NDUFA5: variants seen among roughly 807,000 people sequenced by gnomAD.
NDUFA5 encodes NADH dehydrogenase [ubiquinone] 1 alpha subcomplex subunit 5.
In NDUFA5, 11 loss-of-function variants were observed where a neutral mutation model predicts 19.8. That is an observed-to-expected ratio of 0.56 (90% confidence interval 0.35 to 0.92). NDUFA5 has a LOEUF of 0.92. Among genes scored for constraint, NDUFA5 ranks in the 40% least tolerant of loss-of-function variants. The probability of loss-of-function intolerance (pLI) is 0.01; values close to 1 mark genes in which losing one functional copy is unlikely to be tolerated. For missense variants in NDUFA5, 109 were observed against 134.2 expected (o/e 0.81, Z 0.93); for synonymous variants, 47 against 46.8 (o/e 1.00, Z -0.01).
At chr7:123,550,306 C>T (rs149797768) in intron 3 of NDUFA5, 164 bp downstream of exon 3, 18 of 568,668 alleles carry the variant, frequency 3.2e-5, no homozygotes, top group African/African-American at 2.1e-4. Context: ...ATATAGAAAA[C>T]ACTCAATAAA....
chr7:123,596,724 A>G, the NDUFA5 span, among the ~76,000 whole-genome samples: 2 of 152,204 alleles, frequency 1.3e-5, no homozygotes, highest in African/African-American at 4.8e-5. Context: ...TATAGTATGT[A>G]CTGTTAAAAT....
chr7:123,537,473 C>T lies in NDUFA5; in HGVS notation c.*4646G>A, dbSNP rs1412677992. On this transcript the variant is annotated 3_prime_UTR_variant, in exon 5 of 5. Transcript: ENST00000355749. ...TAGGTCTATTGTCCCTTTTCTGAAA[C>T]CTTTTAAGACAGATGTGTTTGATAT... The T allele has an allele frequency of 6.6e-6, 1 of 151,916 alleles. No homozygotes were observed. Among genetic ancestry groups the T allele is most frequent in the Non-Finnish European group, 1.5e-5 (1 of 67,958 alleles). The allele number at this position is 151,916 out of a possible 1,614,324, so 9.4% of individuals were successfully genotyped here.
chr7:123,554,987 ATC>A (rs1475425477), intron 2 of NDUFA5: 1 of 152,242 alleles, frequency 6.6e-6, no homozygotes, highest in Non-Finnish European at 1.5e-5. Context: ...CAGCCTGCTT[ATC>A]TCTTATTGTG....
At chr7:123,581,947 A>G in the NDUFA5 span, among the ~76,000 whole-genome samples, 1 of 152,064 alleles carries the variant, frequency 6.6e-6, no homozygotes, top group African/African-American at 2.4e-5. Flanking sequence ...AGCAAACTGT[A>G]AAGAGCTTTT....
At chr7:123,558,341 G>C (rs537212654), upstream of NDUFA5, 3 of 154,502 alleles carry the variant, frequency 1.9e-5, no homozygotes, top group Admixed American at 1.3e-4. Context: ...GATTTCACTG[G>C]CTGAAATACA....
At position 123,557,751 on chromosome 7, in the gene NDUFA5, AACAGTGACCTCC is replaced by A; in HGVS notation, c.21+12_21+23del. 1.9e-6 allele frequency: 3 copies of A among 1,613,968 alleles called. No homozygotes were observed. The highest frequency in any genetic ancestry group is 2.5e-6 in the Non-Finnish European group (3 of 1,179,998). On this transcript the variant is annotated intron_variant, in intron 1 of 4. Coordinates refer to ENST00000355749, the MANE Select transcript of NDUFA5 (RefSeq NM_005000.5). Reference sequence around the variant, plus strand: ...AGTCTACCCCCACAGTCTAAATTCCAACAGTGACCTCCATTCGTCTCACCTTCTTCAGCACAC... The same window carrying A: ...AGTCTACCCCCACAGTCTAAATTCCAATTCGTCTCACCTTCTTCAGCACAC...
the NDUFA5 span, among the ~76,000 whole-genome samples, chr7:123,590,812 G>T: frequency 1.3e-5 from 2 of 152,176 alleles, no homozygotes; most frequent in Admixed American, 1.3e-4. Flanking sequence ...GAACTTTAAA[G>T]TAGTTTTTTC....
Position 123,540,890 on chromosome 7 carries a change from GCACACA to G in NDUFA5, c.*1223_*1228del, listed in dbSNP as rs56974030. On this transcript the variant is annotated 3_prime_UTR_variant, in exon 5 of 5. Coordinates refer to ENST00000355749, the MANE Select transcript of NDUFA5 (RefSeq NM_005000.5). ...TCTGAGCAAATGTGCGCATGCGCGT[GCACACA>G]CACACACACACACACACACACACAC... is the stretch of plus-strand genomic sequence containing the variant. The G allele has an allele frequency of 0.033, 4,482 of 133,866 alleles. 90 individuals are homozygous for G. The highest frequency in any genetic ancestry group is 0.09 in the Middle Eastern group (25 of 278). The allele number at this position is 133,866 out of a possible 1,614,324, so 8.3% of individuals were successfully genotyped here.
In NDUFA5 at chr7:123,552,491, T is replaced by G. The variant is rs1031082376; in HGVS notation, c.67-1905A>C. Among the ~76,000 whole-genome samples the G allele has an allele frequency of 6.6e-5, 10 of 151,568 alleles. No homozygotes were observed. The East Asian group carries it at 1.7e-3, about 26-fold the overall frequency. On this transcript the variant is annotated intron_variant, in intron 2 of 4. Coordinates refer to ENST00000355749, the MANE Select transcript of NDUFA5 (RefSeq NM_005000.5). ...TCACACACTGGGGCCTGTCAGTGGG[T>G]GGGGGGCCAGGGGAGGGATAGCATT...
the NDUFA5 span, among the ~76,000 whole-genome samples, chr7:123,577,230 G>A: frequency 1.3e-5 from 2 of 151,978 alleles, no homozygotes; most frequent in East Asian, 3.9e-4. Flanking sequence ...TCCCATTATT[G>A]CAGGATATGG....
At chr7:123,579,974 C>T in the NDUFA5 span, among the ~76,000 whole-genome samples, 46 of 151,936 alleles carry the variant, frequency 3.0e-4, 1 homozygote, top group African/African-American at 1.1e-3. Flanking sequence ...AAAAAAGTTA[C>T]AATAAATCCT....
At chr7:123,554,543 A>C (rs1337412260) in intron 2 of NDUFA5, among the ~76,000 whole-genome samples, 2 of 146,898 alleles carry the variant, frequency 1.4e-5, no homozygotes, top group East Asian at 3.8e-4. Context: ...GAAATCTCAC[A>C]CTATCCCACT....
At chr7:123,591,334 A>T in the NDUFA5 span, among the ~76,000 whole-genome samples, 19 of 152,220 alleles carry the variant, frequency 1.2e-4, no homozygotes, top group African/African-American at 4.3e-4. Flanking sequence ...TTCCAATACT[A>T]TGTTGAATAG....
intron 3 of NDUFA5, among the ~76,000 whole-genome samples, chr7:123,547,577 G>A (rs1798182967): frequency 6.6e-6 from 1 of 151,994 alleles, no homozygotes. Context: ...GGGAGAAAAG[G>A]GGAAAAAGTA....
chr7:123,587,781 A>G, the NDUFA5 span, among the ~76,000 whole-genome samples: 18 of 151,946 alleles, frequency 1.2e-4, no homozygotes, highest in African/African-American at 4.1e-4. Context: ...CTTTTTCTGC[A>G]TCAGTTGAGA....
At chr7:123,560,085 A>G (rs1251336032), upstream of NDUFA5, among the ~76,000 whole-genome samples, 2 of 152,286 alleles carry the variant, frequency 1.3e-5, no homozygotes, top group South Asian at 2.1e-4. Flanking sequence ...GACAAAAACT[A>G]TATGATAATT....
At chr7:123,544,755 T>A (rs1798066813) in intron 4 of NDUFA5, among the ~76,000 whole-genome samples, 1 of 60,222 alleles carries the variant, frequency 1.7e-5, no homozygotes, top group African/African-American at 6.7e-5. Context: ...AGAAAAAAGA[T>A]GCAAATCTTA....
chr7:123,555,649 T>C (rs939953244), intron 2 of NDUFA5: 4 of 152,186 alleles, frequency 2.6e-5, no homozygotes, highest in African/African-American at 7.2e-5. Flanking sequence ...TATGAAATCA[T>C]AGGAAGTGCA....
At chr7:123,543,000 AAC>A (rs1385897026) in intron 4 of NDUFA5, among the ~76,000 whole-genome samples, 1 of 152,226 alleles carries the variant, frequency 6.6e-6, no homozygotes, top group African/African-American at 2.4e-5. Context: ...AAGAAATTCA[AAC>A]ACAGAATAAG....
Sources: gnomAD v4.1 joint callset for allele counts (sites outside exome capture counted in the v4.1 genomes callset) on GRCh38, gnomAD v4.1.1 for gene constraint, MANE v1.5 for transcripts, NCBI Gene and HGNC (gene_info 2026-07-23, HGNC 2026-07-21) for gene names.